DLGAP1: variants seen among roughly 807,000 people sequenced by gnomAD.
DLGAP1 encodes the protein DLG associated protein 1, also known as disks large-associated protein 1.
Under a neutral mutation model 90.8 loss-of-function variants are expected in DLGAP1, and 11 were observed. That is an observed-to-expected ratio of 0.12 (90% CI 0.08 to 0.20). The LOEUF (loss-of-function observed/expected upper bound fraction) is 0.20, where lower values mean the gene tolerates loss of function less well. DLGAP1 is among the 10% of genes least tolerant of loss of function. The pLI is 1.00. For synonymous variants in DLGAP1, 558 were observed against 540.7 expected (o/e 1.03, Z -0.44); for missense variants, 1,050 against 1,333.8 (o/e 0.79, Z 3.31).
intron 2 of DLGAP1, among the ~76,000 whole-genome samples, chr18:4,101,499 G>A (rs1222958064): frequency 6.6e-6 from 1 of 152,128 alleles, no homozygotes; most frequent in Non-Finnish European, 1.5e-5. Flanking sequence ...TTAGCAAAAT[G>A]TGATACAGAG....
At chr18:3,720,110 C>A (rs745434594) in intron 7 of DLGAP1, among the ~76,000 whole-genome samples, 1 of 151,964 alleles carries the variant, frequency 6.6e-6, no homozygotes, top group Non-Finnish European at 1.5e-5. Flanking sequence ...TATTATGTAC[C>A]CTTTTGAAAC....
intron 7 of DLGAP1, among the ~76,000 whole-genome samples, chr18:3,655,088 T>C (rs987861528): frequency 6.6e-6 from 1 of 151,872 alleles, no homozygotes; most frequent in Non-Finnish European, 1.5e-5. Context: ...CAACCCCCAC[T>C]GCAATTTCCC....
chr18:3,874,440 C>T (rs2070939191), intron 4 of DLGAP1: 1 of 1,436,570 alleles, frequency 7.0e-7, no homozygotes, highest in Non-Finnish European at 9.1e-7. Flanking sequence ...AAATCTTGCT[C>T]TTCTGAATGG....
chr18:3,862,516 A>AG (rs1305923923), intron 4 of DLGAP1, among the ~76,000 whole-genome samples: 2 of 149,554 alleles, frequency 1.3e-5, no homozygotes, highest in Non-Finnish European at 3.0e-5. Context: ...GCTGATGGTG[A>AG]GGGAGGTACA....
At chr18:3,865,543 A>T (rs114014372) in intron 4 of DLGAP1, among the ~76,000 whole-genome samples, 2,283 of 152,296 alleles carry the variant, frequency 0.015, 74 homozygotes, top group Admixed American at 0.069. Context: ...CTGTTTTTTA[A>T]ACCATAATTA....
chr18:4,421,676 A>T (rs2083035866), intron 1 of DLGAP1, among the ~76,000 whole-genome samples: 1 of 152,150 alleles, frequency 6.6e-6, no homozygotes, highest in Admixed American at 6.6e-5. Flanking sequence ...GTCTTGGAAA[A>T]AATGTGCATA....
chr18:3,630,188 G>T (rs2058473983), intron 7 of DLGAP1, among the ~76,000 whole-genome samples: 1 of 152,024 alleles, frequency 6.6e-6, no homozygotes, highest in African/African-American at 2.4e-5. Flanking sequence ...AGTGTGGTTG[G>T]GCCTCATTCA....
intron 7 of DLGAP1, chr18:3,680,163 G>C (rs562790458): frequency 1.3e-5 from 2 of 152,334 alleles, no homozygotes; most frequent in African/African-American, 4.8e-5. Context: ...GTAGGTGACA[G>C]GACAGCCTGG....
chr18:3,993,389 G>A (rs2074006849), intron 3 of DLGAP1, among the ~76,000 whole-genome samples: 1 of 152,098 alleles, frequency 6.6e-6, no homozygotes, highest in African/African-American at 2.4e-5. Context: ...TTCTTACAGA[G>A]TTTTGTCCAT....
rs2056656463 is a variant in DLGAP1, at chr18:3,597,604, T to C, written c.1592-15356A>G. 1.2e-5 allele frequency: 3 copies of C among 243,234 alleles called. No individual in the cohort carries two copies. The Admixed American group carries it at 1.7e-4, about 13-fold the overall frequency. 15.1% of individuals were successfully genotyped at this position (243,234 alleles called of 1,614,324 possible). A position where few individuals can be genotyped will look rare whatever the true frequency, so the allele number is the denominator to read the frequency against. The stretch of plus-strand genomic sequence containing the variant: ...GTTCACTGGCAGGCTTGCTGGACTT[T>C]GGAGAAAAGGCTGACCCTCCCCCAA... On this transcript the variant is annotated intron_variant, in intron 7 of 12. Transcript: ENST00000315677.
At chr18:4,250,369 A>T (rs560767464) in intron 1 of DLGAP1, among the ~76,000 whole-genome samples, 2 of 152,202 alleles carry the variant, frequency 1.3e-5, no homozygotes, top group Non-Finnish European at 2.9e-5. Context: ...CACCTCCTTG[A>T]GTAGTTAACA....
At chr18:3,682,910 TAC>T (rs2060572086) in intron 7 of DLGAP1, among the ~76,000 whole-genome samples, 1 of 151,250 alleles carries the variant, frequency 6.6e-6, no homozygotes, top group South Asian at 2.1e-4. Context: ...CAGGCTGGAG[TAC>T]AGTGGCATGA....
intron 5 of DLGAP1, among the ~76,000 whole-genome samples, chr18:3,749,364 G>C (rs2063407192): frequency 6.6e-6 from 1 of 151,754 alleles, no homozygotes; most frequent in African/African-American, 2.4e-5. Flanking sequence ...TTTTGGTCAG[G>C]CTGATCTTGA....
At chr18:4,089,367 G>GTTATTTTCA (rs2075733514) in intron 2 of DLGAP1, among the ~76,000 whole-genome samples, 1 of 152,108 alleles carries the variant, frequency 6.6e-6, no homozygotes, top group African/African-American at 2.4e-5. Context: ...TGTGAAAATG[G>GTTATTTTCA]CCATACTGCC....
intron 1 of DLGAP1, among the ~76,000 whole-genome samples, chr18:4,221,692 G>T (rs531622996): frequency 4.8e-4 from 73 of 152,192 alleles, no homozygotes; most frequent in African/African-American, 1.7e-3. Context: ...TAGTGTGCCT[G>T]CTGAAATTTT....
rs535689979 is a variant in DLGAP1, at chr18:3,918,516, G to GA, written c.-72-38377dup. The stretch of plus-strand genomic sequence containing the variant: ...GAACCAAACACAGACATCAAAGGGG[G>GA]AAAAAAATGCCATTCAGGGAAGTGA... On this transcript the variant is annotated intron_variant, in intron 3 of 12. Transcript: ENST00000315677. Among the ~76,000 whole-genome samples, 343 of 152,096 alleles carry GA rather than the reference G, an allele frequency of 2.3e-3. 1 individual carries two copies. The highest frequency in any genetic ancestry group is 8.1e-3 in the African/African-American group (335 of 41,482).
At chr18:4,014,287 T>C (rs1332930991) in intron 2 of DLGAP1, among the ~76,000 whole-genome samples, 1 of 152,110 alleles carries the variant, frequency 6.6e-6, no homozygotes, top group Non-Finnish European at 1.5e-5. Context: ...GGTTTCACCA[T>C]GTTGGCCAGA....
chr18:3,935,928 A>G (rs2072627208), intron 3 of DLGAP1, among the ~76,000 whole-genome samples: 1 of 152,204 alleles, frequency 6.6e-6, no homozygotes, highest in Non-Finnish European at 1.5e-5. Context: ...TTTTATTTAT[A>G]CAAACTCTGC....
chr18:3,833,318 C>T (rs1198250732), intron 4 of DLGAP1, among the ~76,000 whole-genome samples: 3 of 151,672 alleles, frequency 2.0e-5, no homozygotes, highest in South Asian at 2.1e-4. Context: ...ACTGCAGCCT[C>T]GATCTTTCAG....
Sources: allele counts gnomAD v4.1 joint callset (sites outside exome capture counted in the v4.1 genomes callset), GRCh38; gene constraint gnomAD v4.1.1; transcripts MANE v1.5; gene names NCBI Gene and HGNC (gene_info 2026-07-23, HGNC 2026-07-21).